VRK2: variants seen among roughly 807,000 people sequenced by gnomAD.
VRK2 encodes VRK serine/threonine kinase 2.
In VRK2, 60 loss-of-function variants were observed where a neutral mutation model predicts 57.6. The ratio of observed to expected loss-of-function variants is 1.04; its 90% CI spans 0.85 to 1.29. VRK2 has a LOEUF of 1.29. Ranked by LOEUF, VRK2 falls within the 50% of genes most tolerant of loss-of-function variation. The probability of loss-of-function intolerance (pLI) is 0.00; values close to 1 mark genes in which losing one functional copy is unlikely to be tolerated. For synonymous variants in VRK2, 231 were observed against 199.2 expected (o/e 1.16, Z -1.35); for missense variants, 705 against 588.1 (o/e 1.20, Z -2.06).
At chr2:58,090,400 CAAAAAAA>C (rs888066524) in intron 7 of VRK2, among the ~76,000 whole-genome samples, 13 of 49,342 alleles carry the variant, frequency 2.6e-4, no homozygotes, top group African/African-American at 4.5e-4. Flanking sequence ...AACTCCATCT[CAAAAAAA>C]AAAAAAAAAA....
At chr2:57,925,984 A>G (rs923282772) in intron 1 of VRK2, among the ~76,000 whole-genome samples, 4 of 151,876 alleles carry the variant, frequency 2.6e-5, no homozygotes, top group Admixed American at 6.6e-5. Context: ...TTTTTCATTG[A>G]CCCACTGGTC....
chr2:58,100,195 T>C (rs1673754852), intron 7 of VRK2, among the ~76,000 whole-genome samples: 1 of 151,994 alleles, frequency 6.6e-6, no homozygotes, highest in Non-Finnish European at 1.5e-5. Flanking sequence ...AATCCATTTA[T>C]CAATCCAGGT....
chr2:57,927,039 A>AT (rs984980523), intron 1 of VRK2, among the ~76,000 whole-genome samples: 1 of 75,636 alleles, frequency 1.3e-5, no homozygotes, highest in Non-Finnish European at 3.0e-5. Flanking sequence ...TGTCTGTCGT[A>AT]TTTTTTTTAG....
intron 2 of VRK2, among the ~76,000 whole-genome samples, chr2:58,075,485 T>G (rs1669972123): frequency 6.6e-6 from 1 of 152,190 alleles, no homozygotes. Flanking sequence ...ATGGCTGAAC[T>G]GATTTGCATT....
chr2:58,145,443 A>C (rs886640737), intron 11 of VRK2, among the ~76,000 whole-genome samples: 1 of 151,988 alleles, frequency 6.6e-6, no homozygotes, highest in African/African-American at 2.4e-5. Context: ...TAGAAAACTA[A>C]GATTTTAATT....
intron 1 of VRK2, among the ~76,000 whole-genome samples, chr2:57,966,533 T>A (rs1056357444): frequency 2.6e-5 from 4 of 152,200 alleles, no homozygotes; most frequent in African/African-American, 9.7e-5. Context: ...TAAAGAATAT[T>A]TTTATCTATG....
chr2:58,009,701 C>A (rs1393766258), intron 1 of VRK2, among the ~76,000 whole-genome samples: 1 of 151,584 alleles, frequency 6.6e-6, no homozygotes, highest in Admixed American at 6.6e-5. Flanking sequence ...TCACTTTATT[C>A]ATACAGCTCA....
chr2:57,931,030 A>T (rs934711166), intron 1 of VRK2, among the ~76,000 whole-genome samples: 4 of 152,070 alleles, frequency 2.6e-5, no homozygotes, highest in Non-Finnish European at 1.5e-5. Flanking sequence ...TTATATATTC[A>T]TGTCCACTCA....
Position 58,149,533 on chromosome 2 carries a change from T to G in VRK2, c.1182+3059T>G, listed in dbSNP as rs191725963. Among the ~76,000 whole-genome samples the G allele has an allele frequency of 2.4e-4, 36 of 151,794 alleles. 1 individual carries two copies. The highest frequency in any genetic ancestry group is 2.1e-3 in the Admixed American group (32 of 15,212). On this transcript the variant is annotated intron_variant, in intron 12 of 12. Transcript: ENST00000340157. ...CCAATATATGCCCTTTATTTATTTT[T>G]TATCGTTGTCTTATTACATCTGCTA...
At chr2:58,049,441 C>G (rs927183919) in intron 2 of VRK2, among the ~76,000 whole-genome samples, 3 of 152,162 alleles carry the variant, frequency 2.0e-5, no homozygotes, top group African/African-American at 7.2e-5. Flanking sequence ...ACTTCTCTCT[C>G]GTGCATCTAG....
At chr2:57,947,658 A>T (rs1671302954) in intron 1 of VRK2, among the ~76,000 whole-genome samples, 1 of 152,236 alleles carries the variant, frequency 6.6e-6, no homozygotes, top group Admixed American at 6.5e-5. Context: ...CTACCAGAGC[A>T]GGCAACAAAT....
At chr2:57,920,034 C>T (rs1055412292) in intron 1 of VRK2, among the ~76,000 whole-genome samples, 13 of 152,002 alleles carry the variant, frequency 8.6e-5, no homozygotes, top group East Asian at 1.9e-4. Flanking sequence ...ACTCAGTTGC[C>T]GCTTTGATTG....
intron 7 of VRK2, among the ~76,000 whole-genome samples, chr2:58,090,716 C>A (rs568363731): frequency 6.6e-6 from 1 of 152,144 alleles, no homozygotes; most frequent in Non-Finnish European, 1.5e-5. Flanking sequence ...AGTATTTACC[C>A]AAATGAGTTG....
At chr2:57,917,357 G>T (rs544908630) in intron 1 of VRK2, among the ~76,000 whole-genome samples, 2 of 151,724 alleles carry the variant, frequency 1.3e-5, no homozygotes, top group Non-Finnish European at 2.9e-5. Flanking sequence ...AGGAGGTCAG[G>T]CTATAAATTC....
At chr2:57,960,821 A>G (rs1671734962) in intron 1 of VRK2, among the ~76,000 whole-genome samples, 1 of 152,278 alleles carries the variant, frequency 6.6e-6, no homozygotes, top group East Asian at 1.9e-4. Context: ...AAAATAATTT[A>G]TAACAAGTGT....
chr2:58,010,658 G>A (rs1673392023), intron 1 of VRK2, among the ~76,000 whole-genome samples: 1 of 152,110 alleles, frequency 6.6e-6, no homozygotes, highest in African/African-American at 2.4e-5. Flanking sequence ...GCACAGGCAT[G>A]CTTGTGATTG....
chr2:57,959,868 G>A (rs1197611572), intron 1 of VRK2, among the ~76,000 whole-genome samples: 1 of 152,060 alleles, frequency 6.6e-6, no homozygotes, highest in Non-Finnish European at 1.5e-5. Flanking sequence ...TGTTCCTCAT[G>A]TCCTGAAGAG....
chr2:58,072,739 TCTGGTTTTGTTATTAGGGTGATG>T (rs1669534780), intron 2 of VRK2, among the ~76,000 whole-genome samples: 1 of 151,962 alleles, frequency 6.6e-6, no homozygotes, highest in Non-Finnish European at 1.5e-5. Flanking sequence ...AATGTTTTTA[TCTGGTTTTGTTATTAGGGTGATG>T]CTGGTTTTAT....
rs796679664 is a variant in VRK2 at position 58,148,085 on chromosome 2, T to C, written c.1182+1611T>C. On this transcript the variant is annotated intron_variant, in intron 12 of 12. Transcript: ENST00000340157. Reference sequence around the variant, plus strand: ...GAATTGCTGGGTCGTAGGGCAGGTGTATGTTCAATTTTATAAAGAGCTGAC... The same window carrying C: ...GAATTGCTGGGTCGTAGGGCAGGTGCATGTTCAATTTTATAAAGAGCTGAC... 5.3e-5 allele frequency among the ~76,000 whole-genome samples: 8 copies of C among 151,938 alleles called. 1 individual carries two copies. Among genetic ancestry groups the C allele is most frequent in the African/African-American group, 1.9e-4 (8 of 41,522 alleles).
Sources: gnomAD v4.1 joint callset for allele counts (sites outside exome capture counted in the v4.1 genomes callset) on GRCh38, gnomAD v4.1.1 for gene constraint, MANE v1.5 for transcripts, NCBI Gene and HGNC (gene_info 2026-07-23, HGNC 2026-07-21) for gene names.